The following PPM1D variants were observed in gnomAD, a reference collection of about 807,000 sequenced individuals.
PPM1D encodes the protein protein phosphatase 1D.
In PPM1D, 52 loss-of-function variants were observed where a neutral mutation model predicts 58.3. The observed-to-expected ratio is 0.89, with a 90% CI of 0.71 to 1.12. The LOEUF (loss-of-function observed/expected upper bound fraction) is 1.12. Among genes scored for constraint, PPM1D ranks in the 50% most tolerant of loss-of-function variants. PPM1D has a pLI of 0.00. For missense variants in PPM1D, 564 were observed against 777.2 expected (o/e 0.73, Z 3.26); for synonymous variants, 278 against 285.1 (o/e 0.98, Z 0.25).
At chr17:60,613,674 G>A (rs572968476) in intron 1 of PPM1D, among the ~76,000 whole-genome samples, 1 of 152,366 alleles carries the variant, frequency 6.6e-6, no homozygotes, top group Non-Finnish European at 1.5e-5. Flanking sequence ...GCGAGTTCCA[G>A]GTGGGCATGG....
chr17:60,612,418 G>A (rs1446833482), intron 1 of PPM1D, among the ~76,000 whole-genome samples: 2 of 150,612 alleles, frequency 1.3e-5, no homozygotes, highest in Non-Finnish European at 2.9e-5. Flanking sequence ...TGCACACCTA[G>A]ATTGTATATA....
At chr17:60,623,414 C>A in intron 1 of PPM1D, 107 bp from the exon 2 acceptor site, 2 of 1,079,858 alleles carry the variant, frequency 1.9e-6, no homozygotes, top group Non-Finnish European at 2.6e-6. Flanking sequence ...GTTTCCTGTG[C>A]TAATTCGAAT....
intron 1 of PPM1D, among the ~76,000 whole-genome samples, chr17:60,614,560 C>G (rs1346160879): frequency 1.3e-5 from 2 of 152,114 alleles, no homozygotes; most frequent in Non-Finnish European, 2.9e-5. Context: ...GCAGGCTCAG[C>G]CAACATTGGC....
In PPM1D at chr17:60,658,838, T is replaced by C. The variant is rs910495849; in HGVS notation, c.1260+1997T>C. ...TTAGCTGGATGTGGTGGCTCGTGCC[T>C]GTAATCCCAGCTACTTGGGAGGCAG... On this transcript the variant is annotated intron_variant, in intron 5 of 5. Transcript: ENST00000305921. 3.3e-5 allele frequency among the ~76,000 whole-genome samples: 5 copies of C among 152,198 alleles called. No homozygotes were observed. In the East Asian group the frequency reaches 9.7e-4, roughly 29 times the overall value.
At chr17:60,641,488 G>A (rs2031133405) in intron 3 of PPM1D, among the ~76,000 whole-genome samples, 1 of 152,154 alleles carries the variant, frequency 6.6e-6, no homozygotes. Flanking sequence ...CTAGATATTA[G>A]ATCTTTGTCA....
At chr17:60,632,836 G>A (rs1335375955) in intron 2 of PPM1D, among the ~76,000 whole-genome samples, 5 of 151,036 alleles carry the variant, frequency 3.3e-5, no homozygotes, top group African/African-American at 9.8e-5. Context: ...GCGTGGTAGC[G>A]TGTGCCTGTA....
intron 3 of PPM1D, among the ~76,000 whole-genome samples, chr17:60,640,524 TTTG>T (rs554873209): frequency 7.9e-4 from 120 of 151,872 alleles, no homozygotes; most frequent in African/African-American, 2.5e-3. Flanking sequence ...TTTGTGGGCT[TTTG>T]TTTGTTTGTT....
rs1212854729 is a variant in PPM1D at position 60,600,409 on chromosome 17, C to G, written c.-6C>G. On this transcript the variant is annotated 5_prime_UTR_variant, in exon 1 of 6. Coordinates refer to ENST00000305921, the MANE Select transcript of PPM1D (RefSeq NM_003620.4). The stretch of plus-strand genomic sequence containing the variant: ...GTGGGACCGGCGGGATCCCGGCCAG[C>G]CGGCCATGGCGGGGCTGTACTCGCT... The G allele has an allele frequency of 1.3e-6, 2 of 1,542,926 alleles. No homozygotes were observed. The highest frequency in any genetic ancestry group is 2.0e-5 in the Admixed American group (1 of 50,806).
At chr17:60,607,333 A>C (rs1382285871) in intron 1 of PPM1D, among the ~76,000 whole-genome samples, 4 of 152,018 alleles carry the variant, frequency 2.6e-5, no homozygotes, top group Admixed American at 2.6e-4. Context: ...CCCAGGCTGG[A>C]GTGCAATGGT....
At chr17:60,656,473 GAAAA>G (rs367746536) in intron 4 of PPM1D, 122 bp from the exon 5 acceptor site, 2 of 968,006 alleles carry the variant, frequency 2.1e-6, no homozygotes, top group Non-Finnish European at 2.8e-6. Flanking sequence ...AAAGAGAAAA[GAAAA>G]AAAAAAATTG....
At chr17:60,604,594 A>G (rs900345084) in intron 1 of PPM1D, 4 of 152,158 alleles carry the variant, frequency 2.6e-5, no homozygotes, top group Non-Finnish European at 5.9e-5. Flanking sequence ...CCCTGTTGCT[A>G]TACAAAATAA....
chr17:60,609,170 C>T (rs537559156), intron 1 of PPM1D, among the ~76,000 whole-genome samples: 5 of 151,400 alleles, frequency 3.3e-5, no homozygotes, highest in South Asian at 2.1e-4. Context: ...CTCGGCTCAC[C>T]GCAACCTCCG....
chr17:60,656,713 G>A lies in PPM1D; in HGVS notation c.1132G>A (p.Glu378Lys). The A allele has an allele frequency of 6.2e-7, 1 of 1,614,182 alleles. No individual in the cohort carries two copies. Among genetic ancestry groups the A allele is most frequent in the Non-Finnish European group, 8.5e-7 (1 of 1,180,030 alleles). The part of the protein sequence containing the change: ...TSAIVICISP[E>K]VDNQGNFTNE... Reference sequence around the variant, plus strand: ...TGCCATAGTAATCTGCATCTCTCCAGAAGTGGACAATCAGGGAAACTTTAC... The same window carrying A: ...TGCCATAGTAATCTGCATCTCTCCAAAAGTGGACAATCAGGGAAACTTTAC... Residue 378 changes from glutamate to lysine, a missense_variant, in exon 5 of 6, where the codon GAA (glutamate) becomes AAA (lysine). By Grantham distance (56) the Glu-to-Lys change is moderately conservative. Around this residue, in one of 7 missense-constraint regions of PPM1D, gnomAD observed 261 missense variants for 270.1 expected, o/e 0.97. Transcript: ENST00000305921.
At chr17:60,613,709 C>T (rs999834227) in intron 1 of PPM1D, among the ~76,000 whole-genome samples, 5 of 152,352 alleles carry the variant, frequency 3.3e-5, no homozygotes, top group Admixed American at 6.5e-5. Context: ...GCACTCGGAG[C>T]GGCCAGCTGG....
chr17:60,610,585 C>T (rs546970471), intron 1 of PPM1D, among the ~76,000 whole-genome samples: 6 of 152,258 alleles, frequency 3.9e-5, no homozygotes, highest in South Asian at 4.2e-4. Flanking sequence ...GCCTACAGGC[C>T]GCATTGGGCT....
At chr17:60,634,295 C>G (rs752916594) in intron 3 of PPM1D, among the ~76,000 whole-genome samples, 12 of 152,060 alleles carry the variant, frequency 7.9e-5, no homozygotes, top group Admixed American at 3.3e-4. Context: ...AGCTGTAGTC[C>G]TAGCTACTCA....
intron 3 of PPM1D, among the ~76,000 whole-genome samples, chr17:60,638,179 G>T (rs193163269): frequency 5.5e-4 from 84 of 152,198 alleles, no homozygotes; most frequent in African/African-American, 1.8e-3. Flanking sequence ...ATACAGAAAT[G>T]AATTAATATT....
intron 1 of PPM1D, among the ~76,000 whole-genome samples, chr17:60,613,890 G>GCCCCCCCCCCCCCCCCCCC (rs61669650): frequency 7.3e-6 from 1 of 137,368 alleles, no homozygotes; most frequent in African/African-American, 2.9e-5. Context: ...CATACCTGAG[G>GCCCCCCCCCCCCCCCCCCC]CCCCCCCCCC....
intron 3 of PPM1D, among the ~76,000 whole-genome samples, chr17:60,639,530 C>T (rs1316880086): frequency 6.6e-6 from 1 of 152,140 alleles, no homozygotes; most frequent in Admixed American, 6.6e-5. Context: ...CTCCGCCTTC[C>T]GGGTTCAAGC....
Sources: gnomAD v4.1 joint callset for allele counts (sites outside exome capture counted in the v4.1 genomes callset) on GRCh38, gnomAD v4.1.1 for gene constraint, gnomAD v4.1.1 regional missense constraint, MANE v1.5 for transcripts, NCBI Gene and HGNC (gene_info 2026-07-23, HGNC 2026-07-21) for gene names.